CYTH1: variants seen among roughly 807,000 people sequenced by gnomAD.
The protein encoded by CYTH1 is cytohesin-1.
CYTH1 carries 18 observed loss-of-function variants against 61.8 expected under a neutral mutation model. The ratio of observed to expected loss-of-function variants is 0.29; its 90% CI spans 0.20 to 0.43. CYTH1 has a LOEUF of 0.43. Ranked by LOEUF, CYTH1 falls within the 20% of genes least tolerant of loss-of-function variation. The pLI, the probability that CYTH1 is intolerant of heterozygous loss-of-function variation, is 1.00. For synonymous variants in CYTH1, 174 were observed against 184.3 expected (o/e 0.94, Z 0.45); for missense variants, 336 against 510.5 (o/e 0.66, Z 3.29).
At chr17:78,742,099 T>C (rs963558318) in intron 1 of CYTH1, among the ~76,000 whole-genome samples, 3 of 152,282 alleles carry the variant, frequency 2.0e-5, no homozygotes, top group Non-Finnish European at 4.4e-5. Context: ...TGTAAAATGC[T>C]GCAACATCCT....
intron 1 of CYTH1, chr17:78,723,655 G>C (rs2093249087): frequency 6.6e-6 from 1 of 152,554 alleles, no homozygotes; most frequent in Non-Finnish European, 1.5e-5. Context: ...CCGGGGGGGA[G>C]GGGAGGCACC....
chr17:78,724,947 TA>T (rs2093257703), intron 1 of CYTH1, among the ~76,000 whole-genome samples: 1 of 152,236 alleles, frequency 6.6e-6, no homozygotes, highest in African/African-American at 2.4e-5. Flanking sequence ...GAGTAGTACT[TA>T]TTTAAAAGAA....
intron 1 of CYTH1, among the ~76,000 whole-genome samples, chr17:78,760,265 T>C (rs1441831577): frequency 6.7e-6 from 1 of 149,962 alleles, no homozygotes; most frequent in Non-Finnish European, 1.5e-5. Flanking sequence ...TTTACAAATT[T>C]AGACATATAA....
At chr17:78,712,676 A>G (rs866521566) in intron 1 of CYTH1, among the ~76,000 whole-genome samples, 17 of 151,954 alleles carry the variant, frequency 1.1e-4, no homozygotes, top group African/African-American at 3.9e-4. Flanking sequence ...AATAATAATA[A>G]TATAAAAAAT....
intron 1 of CYTH1, among the ~76,000 whole-genome samples, chr17:78,757,376 TCTC>T (rs953134403): frequency 6.6e-6 from 1 of 152,110 alleles, no homozygotes; most frequent in Non-Finnish European, 1.5e-5. Flanking sequence ...AGGTCAAAGT[TCTC>T]CTTCTAATTA....
intron 1 of CYTH1, among the ~76,000 whole-genome samples, chr17:78,740,719 A>G (rs1324221757): frequency 6.6e-6 from 1 of 152,228 alleles, no homozygotes; most frequent in Non-Finnish European, 1.5e-5. Flanking sequence ...TTTATCATCC[A>G]TATTGAGATA....
At chr17:78,763,418 T>C (rs1240876505) in intron 1 of CYTH1, among the ~76,000 whole-genome samples, 1 of 152,176 alleles carries the variant, frequency 6.6e-6, no homozygotes, top group Non-Finnish European at 1.5e-5. Context: ...ATCACCTTAC[T>C]GTAGGTTATA....
chr17:78,779,484 G>GC (rs1188314716), intron 1 of CYTH1, among the ~76,000 whole-genome samples: 1 of 151,100 alleles, frequency 6.6e-6, no homozygotes, highest in East Asian at 1.9e-4. Context: ...CAGAATAACA[G>GC]CCCCTAAAGA....
intron 13 of CYTH1, 28 bp downstream of exon 13, chr17:78,680,162 G>A (rs540407961): frequency 8.2e-5 from 132 of 1,612,988 alleles, no homozygotes; most frequent in Non-Finnish European, 1.0e-4. Context: ...CACCAGGCGC[G>A]CACTGCCCTT....
At chr17:78,721,978 C>T (rs1567859584) in intron 1 of CYTH1, among the ~76,000 whole-genome samples, 4 of 151,982 alleles carry the variant, frequency 2.6e-5, no homozygotes, top group South Asian at 2.1e-4. Context: ...ACCTGGGAGG[C>T]GGAGGGTGCA....
chr17:78,778,235 A>C (rs1434719558), intron 1 of CYTH1, among the ~76,000 whole-genome samples: 1 of 145,298 alleles, frequency 6.9e-6, no homozygotes, highest in Non-Finnish European at 1.5e-5. Context: ...AGGAGGTGGA[A>C]GCTGCAGGGA....
chr17:78,766,358 T>C (rs1043925896), intron 1 of CYTH1, among the ~76,000 whole-genome samples: 13 of 152,188 alleles, frequency 8.5e-5, no homozygotes, highest in African/African-American at 2.4e-4. Flanking sequence ...AACCTTTACC[T>C]GGTTACCTGG....
At chr17:78,781,518 G>A (rs1230712473) in intron 1 of CYTH1, among the ~76,000 whole-genome samples, 2 of 152,142 alleles carry the variant, frequency 1.3e-5, no homozygotes, top group South Asian at 2.1e-4. Flanking sequence ...GTGCCCCTCG[G>A]GCTCCACACC....
rs2092671730 is a variant in CYTH1 at position 78,674,218 on chromosome 17, A to G, written c.*1873T>C. On this transcript the variant is annotated 3_prime_UTR_variant, in exon 14 of 14. Coordinates refer to ENST00000446868, the MANE Select transcript of CYTH1 (RefSeq NM_004762.6). ...TTGACAAAACTTCTTTTAAACAAAT[A>G]CAAAATAATCTAAAAGGAGAAAAAC... 1.3e-5 allele frequency: 2 copies of G among 152,696 alleles called. No individual in the cohort carries two copies. Among genetic ancestry groups the G allele is most frequent in the Non-Finnish European group, 2.9e-5 (2 of 68,038 alleles). The allele number at this position is 152,696 out of a possible 1,614,324, so 9.5% of individuals were successfully genotyped here.
chr17:78,755,798 C>A (rs1335632416), intron 1 of CYTH1, among the ~76,000 whole-genome samples: 1 of 151,694 alleles, frequency 6.6e-6, no homozygotes, highest in Non-Finnish European at 1.5e-5. Context: ...GTAGTCCCAG[C>A]TACTTGGGAG....
At chr17:78,766,087 GAAAA>G (rs59673666) in intron 1 of CYTH1, among the ~76,000 whole-genome samples, 47 of 65,680 alleles carry the variant, frequency 7.2e-4, no homozygotes, top group Non-Finnish European at 1.1e-3. Context: ...CATCTCTACA[GAAAA>G]AAAAAAAAAA....
chr17:78,780,024 G>C (rs888501244), intron 1 of CYTH1, among the ~76,000 whole-genome samples: 2 of 152,218 alleles, frequency 1.3e-5, no homozygotes, highest in South Asian at 4.1e-4. Context: ...TCCTGCCCAC[G>C]GCAGCAGGCA....
chr17:78,734,177 G>C (rs1387953827), intron 1 of CYTH1, among the ~76,000 whole-genome samples: 1 of 151,702 alleles, frequency 6.6e-6, no homozygotes, highest in Non-Finnish European at 1.5e-5. Context: ...TTGAACCCAG[G>C]AGGCAGAGGT....
intron 1 of CYTH1, among the ~76,000 whole-genome samples, chr17:78,767,293 C>T (rs557053205): frequency 6.6e-5 from 10 of 152,240 alleles, no homozygotes; most frequent in Non-Finnish European, 1.3e-4. Context: ...CATAGTGAAT[C>T]CCCATGTCTA....
Sources: allele counts gnomAD v4.1 joint callset (sites outside exome capture counted in the v4.1 genomes callset), GRCh38; gene constraint gnomAD v4.1.1; transcripts MANE v1.5; gene names NCBI Gene and HGNC (gene_info 2026-07-23, HGNC 2026-07-21).